The following MTUS1 variants were observed in gnomAD, a reference collection of about 807,000 sequenced individuals.
MTUS1 encodes microtubule associated scaffold protein 1, also known as microtubule-associated tumor suppressor 1.
In MTUS1, 109 loss-of-function variants were observed where a neutral mutation model predicts 120.8. The ratio of observed to expected loss-of-function variants is 0.90; its 90% CI spans 0.77 to 1.06. The LOEUF (loss-of-function observed/expected upper bound fraction) is 1.06. Among genes scored for constraint, MTUS1 ranks in the 50% least tolerant of loss-of-function variants. The pLI is 0.00. For missense variants in MTUS1, 2,210 were observed against 1,486.3 expected (o/e 1.49, Z -8.01); for synonymous variants, 737 against 550.5 (o/e 1.34, Z -4.74).
At chr8:17,736,415 T>G (rs2046931721) in intron 3 of MTUS1, among the ~76,000 whole-genome samples, 1 of 152,100 alleles carries the variant, frequency 6.6e-6, no homozygotes, top group Non-Finnish European at 1.5e-5. Context: ...TCGGGGTCTC[T>G]GCACGGCTGG....
chr8:17,743,419 T>G (rs1340535398), intron 3 of MTUS1, among the ~76,000 whole-genome samples, 185 bp downstream of exon 3: 3 of 152,216 alleles, frequency 2.0e-5, no homozygotes, highest in Non-Finnish European at 4.4e-5. Context: ...TCTCCTCAAC[T>G]AGCCTTTGCC....
At chr8:17,661,472 C>T (rs943144700) in intron 8 of MTUS1, among the ~76,000 whole-genome samples, 19 of 152,114 alleles carry the variant, frequency 1.2e-4, no homozygotes, top group African/African-American at 3.9e-4. Context: ...AGAAGAGCTT[C>T]GAAGCTGACG....
intron 3 of MTUS1, among the ~76,000 whole-genome samples, chr8:17,728,840 G>A (rs983884820): frequency 2.3e-4 from 35 of 152,154 alleles, no homozygotes; most frequent in African/African-American, 8.4e-4. Context: ...TGATTGTGTG[G>A]TAGCAGTGTG....
At chr8:17,723,951 G>A in intron 3 of MTUS1, 118 bp from the exon 4 acceptor site, 1 of 767,184 alleles carries the variant, frequency 1.3e-6, no homozygotes, top group Non-Finnish European at 2.1e-6. Context: ...CAAAATGAAT[G>A]TTCACAATCA....
At position 17,722,363 on chromosome 8, in the gene MTUS1, G is replaced by A. The variant is rs552075396; in HGVS notation, c.2449+1309C>T. The A allele has an allele frequency of 6.2e-6, 6 of 973,900 alleles. No individual in the cohort carries two copies. In the South Asian group the frequency reaches 2.8e-4, roughly 46 times the overall value. The allele number at this position is 973,900 out of a possible 1,614,324, so 60.3% of individuals were successfully genotyped here. A position where few individuals can be genotyped will look rare whatever the true frequency, so the allele number is the denominator to read the frequency against. ...GTTGGTGATTCTGTTTTGGCAGTTT[G>A]TCTTTAAAATTGCTTTGCAAGACAA... is the stretch of plus-strand genomic sequence containing the variant. On this transcript the variant is annotated intron_variant, in intron 4 of 14. Transcript: ENST00000693296.
In MTUS1 at chr8:17,715,871, T is replaced by C; in HGVS notation, c.2480A>G (p.Glu827Gly). ...SGNAAVIKYE[E>G]KPPKPAFQNG... ...CTGAAATGCTGGTTTTGGAGGTTTCTCCTCATATTTGATGACAGCGGCATT... is the reference window on the plus strand; with the variant it reads ...CTGAAATGCTGGTTTTGGAGGTTTCCCCTCATATTTGATGACAGCGGCATT... Residue 827 changes from glutamate to glycine, a missense_variant, in exon 5 of 15, where the codon GAG becomes GGG. Glu to Gly is a moderately conservative substitution (Grantham distance 98). Coordinates refer to ENST00000693296, the MANE Select transcript of MTUS1 (RefSeq NM_001363059.2). The C allele has an allele frequency of 6.2e-7, 1 of 1,613,746 alleles. No homozygotes were observed. The highest frequency in any genetic ancestry group is 8.5e-7 in the Non-Finnish European group (1 of 1,179,928).
intron 3 of MTUS1, among the ~76,000 whole-genome samples, chr8:17,734,487 C>T (rs1050525949): frequency 4.6e-5 from 7 of 151,870 alleles, no homozygotes; most frequent in Admixed American, 1.3e-4. Context: ...GAAGTTCTCA[C>T]GATGACTCGA....
intron 4 of MTUS1, among the ~76,000 whole-genome samples, chr8:17,720,800 T>C (rs1048401636): frequency 1.3e-5 from 2 of 152,184 alleles, no homozygotes; most frequent in African/African-American, 4.8e-5. Flanking sequence ...GACCTTATAA[T>C]CTTTAACCTC....
intron 7 of MTUS1, chr8:17,676,357 C>CA (rs1285474079): frequency 1.4e-6 from 1 of 702,754 alleles, no homozygotes; most frequent in African/African-American, 1.7e-5. Flanking sequence ...CAAGTCCCCC[C>CA]ACCCCTCGCA....
At chr8:17,675,152 A>G (rs756361524) in intron 8 of MTUS1, 34 bp downstream of exon 8, 1 of 1,612,880 alleles carries the variant, frequency 6.2e-7, no homozygotes. Flanking sequence ...CCCTTGTCCC[A>G]TAAAATTTAA....
At chr8:17,769,616 G>C (rs1009294868) in intron 1 of MTUS1, among the ~76,000 whole-genome samples, 1 of 151,906 alleles carries the variant, frequency 6.6e-6, no homozygotes, top group South Asian at 2.1e-4. Flanking sequence ...CAAAGTGCTG[G>C]GATTACAGGC....
intron 14 of MTUS1, 27 bp downstream of exon 14, chr8:17,646,955 G>A (rs1805927841): frequency 6.4e-7 from 1 of 1,569,862 alleles, no homozygotes; most frequent in Non-Finnish European, 8.8e-7. Context: ...GGGGAGCTCG[G>A]GAGAAACAGC....
At chr8:17,763,764 A>T (rs1563350381) in intron 1 of MTUS1, among the ~76,000 whole-genome samples, 1 of 152,182 alleles carries the variant, frequency 6.6e-6, no homozygotes, top group South Asian at 2.1e-4. Flanking sequence ...TCTTTCTAGC[A>T]CACAGATATT....
rs768029750 is a variant in MTUS1, at chr8:17,754,940, G to C, written c.868C>G (p.Gln290Glu). The C allele has an allele frequency of 1.2e-6, 2 of 1,614,112 alleles. No individual in the cohort carries two copies. Among genetic ancestry groups the C allele is most frequent in the Admixed American group, 1.7e-5 (1 of 60,016 alleles). ...QQRLVGEKETQALTPVSDGME... is the reference protein window; with the variant it reads ...QQRLVGEKETEALTPVSDGME... ...CCATCAGAAACTGGTGTTAGTGCTT[G>C]TGTCTCCTTTTCTCCAACTAGTCTT... The change falls in exon 2 of 15, where the codon CAA (glutamine) becomes GAA (glutamate). Residue 290 changes from glutamine to glutamate, a missense_variant. By Grantham distance (29) the Gln-to-Glu change is conservative. Coordinates refer to ENST00000693296, the MANE Select transcript of MTUS1 (RefSeq NM_001363059.2).
chr8:17,771,773 A>G (rs2050041648), intron 1 of MTUS1, among the ~76,000 whole-genome samples: 1 of 152,278 alleles, frequency 6.6e-6, no homozygotes, highest in Non-Finnish European at 1.5e-5. Context: ...CATGGAAAAG[A>G]GATCGACTAA....
rs61733690 is a variant in MTUS1, at chr8:17,715,791, G to A, written c.2560C>T (p.His854Tyr). 1.2e-6 allele frequency: 2 copies of A among 1,613,346 alleles called. No homozygotes were observed. Among genetic ancestry groups the A allele is most frequent in the Admixed American group, 1.7e-5 (1 of 59,830 alleles). Residue 854 changes from histidine to tyrosine, a missense_variant, in exon 5 of 15, where the codon CAC becomes TAC. By Grantham distance (83) the His-to-Tyr change is moderately conservative. Transcript: ENST00000693296. The part of the protein sequence containing the change: ...LKPLVSRAHV[H>Y]LMKTPPKGPS... The stretch of plus-strand genomic sequence containing the variant: ...CCTTTTGGAGGAGTTTTCATCAAGT[G>A]AACATGAGCCCTGGATACCAAAGGC...
chr8:17,778,776 T>C (rs1338408362), intron 1 of MTUS1, among the ~76,000 whole-genome samples: 2 of 152,078 alleles, frequency 1.3e-5, no homozygotes, highest in Non-Finnish European at 2.9e-5. Flanking sequence ...ACCACTGCAT[T>C]CCAGCCTGGG....
intron 6 of MTUS1, among the ~76,000 whole-genome samples, chr8:17,706,502 T>A (rs944030868): frequency 6.6e-6 from 1 of 152,236 alleles, no homozygotes; most frequent in Non-Finnish European, 1.5e-5. Context: ...CATTTTAAAC[T>A]ATTATGTTAG....
At chr8:17,692,194 A>C (rs1817077653) in intron 6 of MTUS1, 1 of 152,172 alleles carries the variant, frequency 6.6e-6, no homozygotes, top group Non-Finnish European at 1.5e-5. Flanking sequence ...ATAACATTTT[A>C]TACCTGTCTG....
Sources: gnomAD v4.1 joint callset for allele counts (sites outside exome capture counted in the v4.1 genomes callset) on GRCh38, gnomAD v4.1.1 for gene constraint, MANE v1.5 for transcripts, NCBI Gene and HGNC (gene_info 2026-07-23, HGNC 2026-07-21) for gene names.